The following DNAH7 variants were observed in gnomAD, a reference collection of about 807,000 sequenced individuals.
DNAH7 encodes axonemal beta dynein heavy chain 7.
Under a neutral mutation model 444.6 loss-of-function variants are expected in DNAH7, and 397 were observed. The observed-to-expected ratio is 0.89, with a 90% CI of 0.82 to 0.97. The LOEUF is 0.97. Among genes scored for constraint, DNAH7 ranks in the 50% least tolerant of loss-of-function variants. The pLI is 0.00. For synonymous variants in DNAH7, 1,636 were observed against 1,624.4 expected, an observed-to-expected ratio of 1.01 and a Z score of -0.17; for missense variants, 4,902 against 4,800.8, an observed-to-expected ratio of 1.02 and a Z score of -0.62.
chr2:195,874,927 G>T (rs1014669538), intron 38 of DNAH7, among the ~76,000 whole-genome samples: 3 of 152,122 alleles, frequency 2.0e-5, no homozygotes, highest in Non-Finnish European at 4.4e-5. Context: ...TCAGGGTTAG[G>T]GAGCAAATAC....
chr2:195,774,190 G>A (rs1358879739), intron 60 of DNAH7, among the ~76,000 whole-genome samples: 2 of 152,174 alleles, frequency 1.3e-5, no homozygotes, highest in East Asian at 3.8e-4. Context: ...GGCACACCCC[G>A]TCAAGTTTAA....
At chr2:195,943,952 C>T (rs373322570) in intron 19 of DNAH7, among the ~76,000 whole-genome samples, 4 of 152,112 alleles carry the variant, frequency 2.6e-5, no homozygotes, top group African/African-American at 9.7e-5. Flanking sequence ...CACAAATATG[C>T]TCGCTTTTAG....
At chr2:196,007,082 G>A (rs749515725) in intron 10 of DNAH7, among the ~76,000 whole-genome samples, 32 of 152,132 alleles carry the variant, frequency 2.1e-4, no homozygotes, top group Non-Finnish European at 3.4e-4. Context: ...TTAAAAAATG[G>A]ACAAGTTGCT....
chr2:195,930,011 T>G (rs368592983), intron 21 of DNAH7, among the ~76,000 whole-genome samples: 9 of 152,180 alleles, frequency 5.9e-5, no homozygotes, highest in African/African-American at 2.2e-4. Context: ...ATAAGGAACT[T>G]AAACAATTGA....
At chr2:195,844,309 C>G (rs1198609908) in intron 47 of DNAH7, among the ~76,000 whole-genome samples, 1 of 152,028 alleles carries the variant, frequency 6.6e-6, no homozygotes, top group African/African-American at 2.4e-5. Flanking sequence ...TAGGAAATAT[C>G]TGTGCTATCG....
chr2:195,832,629 G>A (rs12620097), intron 48 of DNAH7, among the ~76,000 whole-genome samples: 70,338 of 151,696 alleles, frequency 0.46, 17,915 homozygotes, highest in Non-Finnish European at 0.59. Flanking sequence ...TTTTTGTAAA[G>A]ATGGGTCTCA....
At chr2:195,884,105 C>T (rs1701573970) in intron 35 of DNAH7, among the ~76,000 whole-genome samples, 1 of 152,120 alleles carries the variant, frequency 6.6e-6, no homozygotes, top group African/African-American at 2.4e-5. Context: ...GTCCTCAGTA[C>T]AATACTTGTG....
At chr2:195,939,993 G>C (rs1689314319) in intron 19 of DNAH7, among the ~76,000 whole-genome samples, 1 of 152,126 alleles carries the variant, frequency 6.6e-6, no homozygotes, top group Non-Finnish European at 1.5e-5. Context: ...AGCTACCACT[G>C]ACTTTCTTTG....
At chr2:195,768,984 T>A (rs947077491) in intron 61 of DNAH7, among the ~76,000 whole-genome samples, 4 of 152,210 alleles carry the variant, frequency 2.6e-5, no homozygotes, top group Non-Finnish European at 5.9e-5. Context: ...TTAGATTGTG[T>A]CTTTCACTGA....
intron 30 of DNAH7, chr2:195,894,310 C>T (rs1275783358): frequency 6.6e-6 from 1 of 151,980 alleles, no homozygotes; most frequent in Non-Finnish European, 1.5e-5. Flanking sequence ...CAAAGTAGAT[C>T]ACAACAAATA....
chr2:195,772,352 T>C (rs180809027), intron 60 of DNAH7, among the ~76,000 whole-genome samples: 21 of 152,292 alleles, frequency 1.4e-4, no homozygotes, highest in Admixed American at 2.6e-4. Flanking sequence ...AGCAGAGATA[T>C]AGTTTTCTCC....
chr2:195,743,313 C>T (rs1026245730), intron 63 of DNAH7, among the ~76,000 whole-genome samples: 1 of 152,204 alleles, frequency 6.6e-6, no homozygotes, highest in Non-Finnish European at 1.5e-5. Flanking sequence ...GGGACTTTAC[C>T]TTGTGATTGT....
intron 40 of DNAH7, among the ~76,000 whole-genome samples, chr2:195,866,543 A>T (rs770094966): frequency 3.2e-4 from 49 of 152,220 alleles, no homozygotes; most frequent in Non-Finnish European, 7.3e-5. Context: ...ATCAGGATCA[A>T]TGCCTAAGCA....
In DNAH7 at chr2:195,891,645, T is replaced by C; in HGVS notation, c.5046+10A>G. On this transcript the variant is annotated intron_variant, in intron 31 of 64. Coordinates refer to ENST00000312428, the MANE Select transcript of DNAH7 (RefSeq NM_018897.3). ...TTTTAAGATATGCATGTGAAAGTGTTAGAACTTACCACTGAAGAGGCAAAT... is the reference window on the plus strand; with the variant it reads ...TTTTAAGATATGCATGTGAAAGTGTCAGAACTTACCACTGAAGAGGCAAAT... The C allele has an allele frequency of 3.2e-6, 5 of 1,569,270 alleles. No individual in the cohort carries two copies. Among genetic ancestry groups the C allele is most frequent in the Non-Finnish European group, 4.3e-6 (5 of 1,162,904 alleles).
chr2:195,775,750 C>G (rs1695031278), intron 60 of DNAH7, 96 bp downstream of exon 60: 1 of 1,320,376 alleles, frequency 7.6e-7, no homozygotes, highest in East Asian at 2.6e-5. Flanking sequence ...TCCACTTGAA[C>G]AGAATTGTGT....
chr2:195,891,574 G>T lies in DNAH7; in HGVS notation c.5046+81C>A, dbSNP rs1702012377. The T allele has an allele frequency of 4.7e-6, 6 of 1,266,978 alleles. No individual in the cohort carries two copies. The South Asian group carries it at 1.3e-4, about 27-fold the overall frequency. 78.5% of individuals were successfully genotyped at this position (1,266,978 alleles called of 1,614,324 possible). On this transcript the variant is annotated intron_variant, in intron 31 of 64. Coordinates refer to ENST00000312428, the MANE Select transcript of DNAH7 (RefSeq NM_018897.3). ...CTTAATCTATAGATACAATTAGTTT[G>T]TTTGAAAAAAAAATCAGAAATTGGT...
chr2:195,846,346 A>G (rs1373257347), intron 46 of DNAH7, among the ~76,000 whole-genome samples: 1 of 152,242 alleles, frequency 6.6e-6, no homozygotes. Context: ...TTTTGTTAAA[A>G]GTGAAAAAAC....
At chr2:195,747,344 C>G (rs1574359989) in intron 63 of DNAH7, among the ~76,000 whole-genome samples, 1 of 152,080 alleles carries the variant, frequency 6.6e-6, no homozygotes, top group East Asian at 1.9e-4. Flanking sequence ...TGGCAATAAT[C>G]AATAGCTTAC....
In DNAH7 at chr2:195,888,180, C is replaced by G. The variant is rs1007207110; in HGVS notation, c.5406+78G>C. ...AATATCTCTTAGCTGATAATAAAAA[C>G]AGACATTAAAATTGATATGTAAGTC... is the stretch of plus-strand genomic sequence containing the variant. On this transcript the variant is annotated intron_variant, in intron 33 of 64. Coordinates refer to ENST00000312428, the MANE Select transcript of DNAH7 (RefSeq NM_018897.3). The G allele has an allele frequency of 1.3e-5, 16 of 1,188,076 alleles. No individual in the cohort carries two copies. In the Admixed American group the frequency reaches 4.1e-4, roughly 31 times the overall value. 73.6% of individuals were successfully genotyped at this position (1,188,076 alleles called of 1,614,324 possible).
Sources: allele counts gnomAD v4.1 joint callset (sites outside exome capture counted in the v4.1 genomes callset), GRCh38; gene constraint gnomAD v4.1.1; transcripts MANE v1.5; gene names NCBI Gene and HGNC (gene_info 2026-07-23, HGNC 2026-07-21).